STX4: variants seen among roughly 807,000 people sequenced by gnomAD.
The protein encoded by STX4 is syntaxin 4.
Under a neutral mutation model 41.8 loss-of-function variants are expected in STX4, and 24 were observed. The observed-to-expected ratio is 0.57, with a 90% CI of 0.42 to 0.81. STX4 has a LOEUF of 0.81. STX4 is among the 30% of genes least tolerant of loss of function. The probability of loss-of-function intolerance (pLI) is 0.00; values close to 1 mark genes in which losing one functional copy is unlikely to be tolerated. For missense variants in STX4, 316 were observed against 389.9 expected (o/e 0.81, Z 1.60); for synonymous variants, 158 against 156.4 (o/e 1.01, Z -0.08).
upstream of STX4, chr16:31,033,188 G>C (rs1027140760): frequency 5.0e-6 from 3 of 604,902 alleles, no homozygotes; most frequent in African/African-American, 5.5e-5. The surrounding 1 kb of genome is among the most constrained non-coding windows in gnomAD (Gnocchi z 5.5). Flanking sequence ...TGGGGTGCCG[G>C]GGACGTCGTG....
intron 8 of STX4, chr16:31,038,932 C>T (rs2056823791): frequency 2.5e-6 from 1 of 404,318 alleles, no homozygotes; most frequent in African/African-American, 2.0e-5. Flanking sequence ...ACAGCATCCA[C>T]CCTTATACCT....
chr16:31,035,138 G>A, intron 5 of STX4, 98 bp downstream of exon 5: 2 of 926,710 alleles, frequency 2.2e-6, no homozygotes, highest in Non-Finnish European at 3.1e-6. Context: ...AGATCATGGA[G>A]TCCAATTGGA....
rs2143729199 is a variant in STX4 at position 31,039,483 on chromosome 16, T to TG, written c.703-54dup. The TG allele has an allele frequency of 2.6e-6, 4 of 1,551,292 alleles. No homozygotes were observed. In the African/African-American group the frequency reaches 5.4e-5, roughly 21 times the overall value. ...CTGCCAGGAATGTTCTTCAGTCATC[T>TG]GGGGTGGGGTGGGCAAAGGCATCCT... is the stretch of plus-strand genomic sequence containing the variant. On this transcript the variant is annotated intron_variant, in intron 8 of 10. Coordinates refer to ENST00000313843, the MANE Select transcript of STX4 (RefSeq NM_004604.5). The surrounding 1 kb of genome is among the most constrained non-coding windows in gnomAD (Gnocchi z 4.1).
chr16:31,034,454 T>G lies in STX4; in HGVS notation c.233-8T>G, dbSNP rs1255762835. The G allele has an allele frequency of 6.2e-7, 1 of 1,600,624 alleles. No individual in the cohort carries two copies. The highest frequency in any genetic ancestry group is 8.5e-7 in the Non-Finnish European group (1 of 1,171,706). On this transcript the variant is annotated splice_polypyrimidine_tract_variant and splice_region_variant and intron_variant, in intron 3 of 10. Coordinates refer to ENST00000313843, the MANE Select transcript of STX4 (RefSeq NM_004604.5). ...GCTGTTTGGGAGTCTTGGCCTTCTC[T>G]TATTCAGGCATGAAGCAGGAGCTGC...
At chr16:31,034,865 C>A in intron 4 of STX4, 105 bp from the exon 5 acceptor site, 3 of 1,073,868 alleles carry the variant, frequency 2.8e-6, no homozygotes, top group Non-Finnish European at 4.0e-6. Context: ...AATAAACTTA[C>A]TTTCTCCTCT....
At chr16:31,038,957 C>CA in intron 8 of STX4, 1 of 341,594 alleles carries the variant, frequency 2.9e-6, no homozygotes, top group East Asian at 6.0e-5. Flanking sequence ...GAGGTCCAGT[C>CA]AGAGTTGCCC....
chr16:31,034,676 C>A (rs2143716364), intron 4 of STX4, 140 bp downstream of exon 4: 1 of 981,670 alleles, frequency 1.0e-6, no homozygotes, highest in Non-Finnish European at 1.5e-6. Context: ...TGTCTCCTGG[C>A]CTCCAGGCCA....
In STX4 at chr16:31,033,994, A is replaced by G. The variant is rs376739917; in HGVS notation, c.31-19A>G. ...GAGCCGCAGCGAAACGGTGGTGCCAATGACTCCGGGCCTGGCAGGGGGATG... is the reference window on the plus strand; with the variant it reads ...GAGCCGCAGCGAAACGGTGGTGCCAGTGACTCCGGGCCTGGCAGGGGGATG... On this transcript the variant is annotated intron_variant, in intron 1 of 10. Transcript: ENST00000313843. The surrounding 1 kb of genome is among the most constrained non-coding windows in gnomAD (Gnocchi z 5.5). The G allele has an allele frequency of 2.4e-4, 372 of 1,561,706 alleles. No individual in the cohort carries two copies. The highest frequency in any genetic ancestry group is 4.6e-4 in the South Asian group (39 of 85,610).
At position 31,039,479 on chromosome 16, in the gene STX4, C is replaced by T. The variant is rs1479452424; in HGVS notation, c.703-62C>T. On this transcript the variant is annotated intron_variant, in intron 8 of 10. Transcript: ENST00000313843. This position sits in a 1 kb window ranked among gnomAD's most constrained non-coding sequence, Gnocchi z 4.1. ...TTTCCTGCCAGGAATGTTCTTCAGT[C>T]ATCTGGGGTGGGGTGGGCAAAGGCA... is the stretch of plus-strand genomic sequence containing the variant. The T allele has an allele frequency of 3.9e-6, 6 of 1,535,654 alleles. No individual in the cohort carries two copies. Among genetic ancestry groups the T allele is most frequent in the South Asian group, 3.4e-5 (3 of 88,044 alleles).
chr16:31,033,375 C>A, upstream of STX4: 1 of 1,013,140 alleles, frequency 9.9e-7, no homozygotes, highest in East Asian at 2.6e-5. The surrounding 1 kb of genome is among the most constrained non-coding windows in gnomAD (Gnocchi z 5.5). Context: ...TATTCCTACC[C>A]CTTTTGGCAA....
chr16:31,033,512 G>A (rs1391562372), upstream of STX4: 6 of 1,550,580 alleles, frequency 3.9e-6, no homozygotes, highest in Admixed American at 1.2e-4. This position sits in a 1 kb window ranked among gnomAD's most constrained non-coding sequence, Gnocchi z 5.5. Flanking sequence ...GCAAGGAAGA[G>A]ACGCGACCAT....
In STX4 at chr16:31,033,819, C is replaced by T. The variant is rs2056775377; in HGVS notation, c.14C>T (p.Thr5Ile). 6.9e-7 allele frequency: 1 copy of T among 1,454,480 alleles called. No individual in the cohort carries two copies. 90.1% of individuals were successfully genotyped at this position (1,454,480 alleles called of 1,614,324 possible). A position where few individuals can be genotyped will look rare whatever the true frequency, so the allele number is the denominator to read the frequency against. Residue 5 changes from threonine to isoleucine, a missense_variant, in exon 1 of 11, where the codon ACC becomes ATC. By Grantham distance (89) the Thr-to-Ile change is moderately conservative. Transcript: ENST00000313843. The surrounding 1 kb of genome is among the most constrained non-coding windows in gnomAD (Gnocchi z 5.5). Reference sequence around the variant, plus strand: ...GCTCAGGCCGCCATGCGGGACAGGACCCACGAGCTGAGACAGGTGAGACGC... The same window carrying T: ...GCTCAGGCCGCCATGCGGGACAGGATCCACGAGCTGAGACAGGTGAGACGC... MRDR[T>I]HELRQGDDSS... is the part of the protein sequence containing the mutation.
upstream of STX4, chr16:31,033,519 C>T: frequency 1.9e-6 from 3 of 1,550,432 alleles, no homozygotes; most frequent in East Asian, 4.9e-5. This position sits in a 1 kb window ranked among gnomAD's most constrained non-coding sequence, Gnocchi z 5.5. Context: ...AGAGACGCGA[C>T]CATGTGCGCA....
chr16:31,038,760 GC>G, intron 8 of STX4, 113 bp downstream of exon 8: 1 of 1,392,228 alleles, frequency 7.2e-7, no homozygotes, highest in Non-Finnish European at 9.8e-7. Flanking sequence ...GTTTGGCCAT[GC>G]CCCCAGATTG....
intron 4 of STX4, 129 bp from the exon 5 acceptor site, chr16:31,034,840 TG>T: frequency 1.1e-6 from 1 of 873,504 alleles, no homozygotes; most frequent in Non-Finnish European, 1.7e-6. Flanking sequence ...AACTCAGTGA[TG>T]TAATGCAAAG....
chr16:31,033,232 A>G (rs1207925699), upstream of STX4: 3 of 654,662 alleles, frequency 4.6e-6, no homozygotes, highest in East Asian at 8.8e-5. This position sits in a 1 kb window ranked among gnomAD's most constrained non-coding sequence, Gnocchi z 5.5. Context: ...GCGGTGACAG[A>G]GCCGGGACAC....
chr16:31,038,520 A>G lies in STX4; in HGVS notation c.575A>G (p.Asp192Gly). Residue 192 changes from aspartate (D) to glycine (G), a missense_variant, in exon 8 of 11, where the codon GAC (aspartate) becomes GGC (glycine). Transcript: ENST00000313843. ...SEVFVSNILK[D>G]TQVTRQALNE... ...CTGTCCACCCCCCAGATCCTGAAGGACACGCAGGTGACTCGACAGGCCTTA... is the reference window on the plus strand; with the variant it reads ...CTGTCCACCCCCCAGATCCTGAAGGGCACGCAGGTGACTCGACAGGCCTTA... The G allele has an allele frequency of 1.2e-6, 2 of 1,614,086 alleles. No homozygotes were observed. Among genetic ancestry groups the G allele is most frequent in the Non-Finnish European group, 1.7e-6 (2 of 1,180,004 alleles).
Position 31,034,277 on chromosome 16 carries a change from T to G in STX4, c.184T>G (p.Leu62Val). Reference protein sequence around the residue: ...IVKLGNKVQELEKQQVTILAT... With the variant: ...IVKLGNKVQEVEKQQVTILAT... ...CAAACTGGGGAATAAAGTCCAGGAG[T>G]TGGAGAAACAGCAGGTCACCATCCT... Residue 62 changes from leucine (L) to valine (V), a missense_variant, in exon 3 of 11, where the codon TTG (leucine) becomes GTG (valine). Leu to Val is a conservative substitution (Grantham distance 32). Coordinates refer to ENST00000313843, the MANE Select transcript of STX4 (RefSeq NM_004604.5). The G allele has an allele frequency of 1.9e-6, 3 of 1,613,806 alleles. No homozygotes were observed. The highest frequency in any genetic ancestry group is 2.5e-6 in the Non-Finnish European group (3 of 1,179,936).
intron 7 of STX4, 101 bp downstream of exon 7, chr16:31,038,291 C>A: frequency 1.4e-6 from 2 of 1,479,152 alleles, no homozygotes; most frequent in Non-Finnish European, 1.9e-6. Context: ...CCTGCCTCAG[C>A]CTCCCGAGTA....
Sources: allele counts gnomAD v4.1 joint callset, GRCh38; gene constraint gnomAD v4.1.1; non-coding constraint Gnocchi (gnomAD v3.1); transcripts MANE v1.5; gene names NCBI Gene and HGNC (gene_info 2026-07-23, HGNC 2026-07-21).